The following ANKIB1 variants were observed in gnomAD, a reference collection of about 807,000 sequenced individuals.
ANKIB1 encodes the protein ankyrin repeat and IBR domain containing 1, also known as ankyrin repeat and IBR domain-containing protein 1.
In ANKIB1, 43 loss-of-function variants were observed where a neutral mutation model predicts 122.1. The ratio of observed to expected loss-of-function variants is 0.35; its 90% confidence interval spans 0.28 to 0.45. The LOEUF is 0.45. Among genes scored for constraint, ANKIB1 ranks in the 20% least tolerant of loss-of-function variants. ANKIB1 has a pLI of 1.00. For missense variants in ANKIB1, 992 were observed against 1,329.5 expected (o/e 0.75, Z 3.95); for synonymous variants, 390 against 442.0 (o/e 0.88, Z 1.48).
intron 1 of ANKIB1, among the ~76,000 whole-genome samples, chr7:92,281,719 A>G (rs1802015249): frequency 6.6e-6 from 1 of 152,232 alleles, no homozygotes; most frequent in Non-Finnish European, 1.5e-5. Context: ...ACACAGCAAA[A>G]TTAGGAAGAC....
intron 14 of ANKIB1, among the ~76,000 whole-genome samples, chr7:92,389,700 G>A (rs1804743085): frequency 6.6e-6 from 1 of 152,146 alleles, no homozygotes; most frequent in African/African-American, 2.4e-5. Flanking sequence ...CAGAATCCAA[G>A]ATGAGTATGT....
chr7:92,260,962 C>T (rs1031811693), intron 1 of ANKIB1, among the ~76,000 whole-genome samples: 12 of 152,118 alleles, frequency 7.9e-5, no homozygotes, highest in South Asian at 2.1e-4. Context: ...GTAACTCTAG[C>T]GTAGACTACC....
chr7:92,249,037 G>A (rs1275224289), intron 1 of ANKIB1, among the ~76,000 whole-genome samples: 3 of 151,730 alleles, frequency 2.0e-5, no homozygotes, highest in Admixed American at 6.6e-5. Flanking sequence ...ACAGGTGCCC[G>A]CCACCACACC....
At chr7:92,249,752 A>C (rs1207797329) in intron 1 of ANKIB1, among the ~76,000 whole-genome samples, 1 of 152,028 alleles carries the variant, frequency 6.6e-6, no homozygotes, top group Non-Finnish European at 1.5e-5. Context: ...AATAGATGCC[A>C]TTTATTGAGT....
chr7:92,322,347 T>G (rs963263081), intron 4 of ANKIB1, among the ~76,000 whole-genome samples: 1 of 152,118 alleles, frequency 6.6e-6, no homozygotes, highest in Admixed American at 6.6e-5. Context: ...AGAAAAAAGT[T>G]ACAGAAAAGT....
intron 12 of ANKIB1, among the ~76,000 whole-genome samples, chr7:92,387,216 T>C (rs1804674844): frequency 6.6e-6 from 1 of 152,140 alleles, no homozygotes; most frequent in African/African-American, 2.4e-5. Flanking sequence ...CTGATGACCT[T>C]ATTTAACCTT....
intron 1 of ANKIB1, among the ~76,000 whole-genome samples, chr7:92,281,914 A>G (rs1426596091): frequency 6.6e-6 from 1 of 152,228 alleles, no homozygotes; most frequent in Non-Finnish European, 1.5e-5. Context: ...TTAAAGATAT[A>G]TTAGAGAGAA....
intron 7 of ANKIB1, among the ~76,000 whole-genome samples, chr7:92,348,334 T>A (rs954776623): frequency 1.3e-5 from 2 of 152,044 alleles, no homozygotes; most frequent in African/African-American, 4.8e-5. Context: ...AATCTTGTTA[T>A]GTGAAAAAGG....
chr7:92,381,749 C>T (rs1804520736), intron 11 of ANKIB1, among the ~76,000 whole-genome samples: 1 of 152,108 alleles, frequency 6.6e-6, no homozygotes, highest in Non-Finnish European at 1.5e-5. Context: ...AAGTACTAAA[C>T]ATGGAAAGGA....
At chr7:92,273,097 G>T (rs1364424874) in intron 1 of ANKIB1, among the ~76,000 whole-genome samples, 1 of 152,072 alleles carries the variant, frequency 6.6e-6, no homozygotes, top group Non-Finnish European at 1.5e-5. Context: ...TATTATGGTG[G>T]CCCCCGTAAG....
chr7:92,385,980 G>A (rs1051312792), intron 11 of ANKIB1, among the ~76,000 whole-genome samples: 3 of 152,138 alleles, frequency 2.0e-5, no homozygotes, highest in South Asian at 2.1e-4. Context: ...GCATAAGAAA[G>A]GATGTATTTT....
intron 7 of ANKIB1, among the ~76,000 whole-genome samples, chr7:92,347,361 C>A (rs1373453949): frequency 6.6e-6 from 1 of 152,002 alleles, no homozygotes; most frequent in Non-Finnish European, 1.5e-5. Context: ...TTGTGTAGCC[C>A]AAGACAGTTC....
chr7:92,271,288 G>C (rs1801785838), intron 1 of ANKIB1, among the ~76,000 whole-genome samples: 1 of 152,038 alleles, frequency 6.6e-6, no homozygotes, highest in African/African-American at 2.4e-5. Flanking sequence ...GTATACACCT[G>C]TTTCTGAATT....
At chr7:92,322,374 A>G (rs1802930521) in intron 4 of ANKIB1, among the ~76,000 whole-genome samples, 1 of 152,176 alleles carries the variant, frequency 6.6e-6, no homozygotes, top group Admixed American at 6.6e-5. Context: ...CTAATTCTAT[A>G]GGAAAAACTA....
At chr7:92,348,569 AGAGAT>A (rs1200113548) in intron 7 of ANKIB1, among the ~76,000 whole-genome samples, 2 of 152,080 alleles carry the variant, frequency 1.3e-5, no homozygotes, top group Non-Finnish European at 2.9e-5. Flanking sequence ...TATTTTTAGT[AGAGAT>A]GAGGTTTCAC....
At chr7:92,393,131 T>TA (rs1804821282) in intron 17 of ANKIB1, among the ~76,000 whole-genome samples, 1 of 152,106 alleles carries the variant, frequency 6.6e-6, no homozygotes, top group Non-Finnish European at 1.5e-5. Context: ...ACCCATTTGT[T>TA]ACCTGCAACT....
At chr7:92,311,430 A>C (rs1802688718) in intron 3 of ANKIB1, among the ~76,000 whole-genome samples, 1 of 152,136 alleles carries the variant, frequency 6.6e-6, no homozygotes, top group Non-Finnish European at 1.5e-5. Flanking sequence ...TTGCAGTAAA[A>C]TTTATCCCAT....
chr7:92,394,897 T>C (rs1277173810), intron 17 of ANKIB1, among the ~76,000 whole-genome samples: 1 of 152,204 alleles, frequency 6.6e-6, no homozygotes, highest in Non-Finnish European at 1.5e-5. Flanking sequence ...GGAGTTTAAA[T>C]AAATGTCACC....
At chr7:92,273,883 C>T (rs563162801) in intron 1 of ANKIB1, among the ~76,000 whole-genome samples, 6 of 152,090 alleles carry the variant, frequency 3.9e-5, no homozygotes, top group African/African-American at 9.6e-5. Flanking sequence ...AGGGATCCTC[C>T]CACCTCAGCC....
Sources: gnomAD v4.1 joint callset for allele counts (sites outside exome capture counted in the v4.1 genomes callset) on GRCh38, gnomAD v4.1.1 for gene constraint, MANE v1.5 for transcripts, NCBI Gene and HGNC (gene_info 2026-07-23, HGNC 2026-07-21) for gene names.